Variants in CNBD2 observed in about 807,000 individuals in gnomAD.
CNBD2 encodes the protein cyclic nucleotide binding domain containing 2, also known as cyclic nucleotide-binding domain-containing protein 2.
A neutral mutation model predicts 63.7 loss-of-function variants in CNBD2; 64 were observed. The observed-to-expected ratio is 1.00, with a 90% confidence interval of 0.82 to 1.24. The LOEUF (loss-of-function observed/expected upper bound fraction) is 1.24, where lower values mean the gene tolerates loss of function less well. Among genes scored for constraint, CNBD2 ranks in the 50% most tolerant of loss-of-function variants. The probability of loss-of-function intolerance (pLI) is 0.00; values close to 1 mark genes in which losing one functional copy is unlikely to be tolerated. For missense variants in CNBD2, 691 were observed against 713.5 expected (o/e 0.97, Z 0.36); for synonymous variants, 229 against 255.4 (o/e 0.90, Z 0.99).
intron 10 of CNBD2, among the ~76,000 whole-genome samples, chr20:36,021,271 T>C (rs2057203784): frequency 6.6e-6 from 1 of 152,168 alleles, no homozygotes; most frequent in Non-Finnish European, 1.5e-5. Flanking sequence ...TGGATGGCAC[T>C]GGAGGCTGTT....
At chr20:35,958,503 G>A (rs1369313332), downstream of CNBD2, among the ~76,000 whole-genome samples, 1 of 152,148 alleles carries the variant, frequency 6.6e-6, no homozygotes, top group Non-Finnish European at 1.5e-5. Context: ...AGTTCAGAGA[G>A]GTTTCATGTA....
At chr20:36,023,511 C>T in intron 10 of CNBD2, 91 bp from the exon 11 acceptor site, 1 of 1,230,510 alleles carries the variant, frequency 8.1e-7, no homozygotes. Flanking sequence ...GAAACTCCGT[C>T]TCAAAAAAAA....
downstream of CNBD2, among the ~76,000 whole-genome samples, chr20:35,956,306 T>C (rs2056256344): frequency 1.3e-5 from 2 of 152,236 alleles, no homozygotes; most frequent in African/African-American, 4.8e-5. Context: ...TTTTAGTTGC[T>C]GACATGTAAA....
chr20:35,954,673 G>A (rs1001681897), upstream of CNBD2: 24 of 1,195,096 alleles, frequency 2.0e-5, no homozygotes, highest in Admixed American at 1.0e-4. Flanking sequence ...CCAGTTCGAG[G>A]AGGAGTCGGA....
chr20:35,989,179 C>A (rs1457647138), intron 7 of CNBD2, among the ~76,000 whole-genome samples: 1 of 152,174 alleles, frequency 6.6e-6, no homozygotes, highest in Admixed American at 6.5e-5. Context: ...TGATGAAGTG[C>A]AGAGGCAGGG....
At chr20:36,009,445 G>A (rs918880879) in intron 9 of CNBD2, among the ~76,000 whole-genome samples, 12 of 151,492 alleles carry the variant, frequency 7.9e-5, no homozygotes, top group African/African-American at 1.2e-4. Flanking sequence ...CTCGTGATCC[G>A]CCCACCTCGG....
chr20:35,984,606 C>G (rs1315304736), intron 5 of CNBD2, 21 bp from the exon 6 acceptor site: 1 of 1,612,848 alleles, frequency 6.2e-7, no homozygotes. Context: ...CACACTTGCC[C>G]TTGCCCTGTC....
At chr20:36,020,982 G>A (rs1272526614) in intron 10 of CNBD2, among the ~76,000 whole-genome samples, 1 of 152,158 alleles carries the variant, frequency 6.6e-6, no homozygotes, top group African/African-American at 2.4e-5. Flanking sequence ...GAACCCAAAT[G>A]GTGGAGGTGG....
At chr20:35,996,257 C>T (rs571840802) in intron 8 of CNBD2, among the ~76,000 whole-genome samples, 1 of 152,140 alleles carries the variant, frequency 6.6e-6, no homozygotes, top group Admixed American at 6.5e-5. Flanking sequence ...CCCAGGGCTT[C>T]GTATTATGCC....
At chr20:36,010,749 G>A (rs2057047145) in intron 9 of CNBD2, among the ~76,000 whole-genome samples, 1 of 151,288 alleles carries the variant, frequency 6.6e-6, no homozygotes, top group Admixed American at 6.6e-5. Flanking sequence ...GCGACAGAGT[G>A]AGACTCCGTC....
chr20:36,008,454 G>T lies in CNBD2; in HGVS notation c.1128G>T (p.Lys376Asn). Reference sequence around the variant, plus strand: ...GAACCTCAGGAGACACTCTCCCCAAGATGCTGGGCCCGAAGATCCAGTAAG... The same window carrying T: ...GAACCTCAGGAGACACTCTCCCCAATATGCTGGGCCCGAAGATCCAGTAAG... ...KIRTSGDTLP[K>N]MLGPKIQSRP... Residue 376 changes from lysine to asparagine, a missense_variant, in exon 9 of 12, where the codon AAG becomes AAT. Coordinates refer to ENST00000373973, the MANE Select transcript of CNBD2 (RefSeq NM_001365709.1). 1 of 1,611,788 alleles carries T rather than the reference G, an allele frequency of 6.2e-7. No homozygotes were observed. Among genetic ancestry groups the T allele is most frequent in the Non-Finnish European group, 8.5e-7 (1 of 1,179,438 alleles).
upstream of CNBD2, among the ~76,000 whole-genome samples, chr20:35,963,919 G>C (rs1601003672): frequency 6.6e-6 from 1 of 152,288 alleles, no homozygotes; most frequent in East Asian, 1.9e-4. Context: ...ACTTAATTGT[G>C]TGAGGTGAAG....
chr20:35,975,132 G>A (rs2056486057), intron 2 of CNBD2, among the ~76,000 whole-genome samples: 2 of 135,462 alleles, frequency 1.5e-5, no homozygotes, highest in Non-Finnish European at 3.1e-5. Context: ...CTCCCGAGTA[G>A]CTGGGACTAC....
At chr20:35,961,091 G>C (rs1190655712) in intron 2 of CNBD2, among the ~76,000 whole-genome samples, 1 of 151,942 alleles carries the variant, frequency 6.6e-6, no homozygotes, top group South Asian at 2.1e-4. Context: ...CACCACACCC[G>C]GTTAATTTTT....
At chr20:35,993,724 G>GT (rs1218408625) in intron 7 of CNBD2, among the ~76,000 whole-genome samples, 1 of 151,892 alleles carries the variant, frequency 6.6e-6, no homozygotes, top group African/African-American at 2.4e-5. Flanking sequence ...TTATCTCTAT[G>GT]TTTTTATGTC....
chr20:35,987,556 TGAGGG>T, intron 7 of CNBD2, 23 bp downstream of exon 7: 1 of 1,613,730 alleles, frequency 6.2e-7, no homozygotes, highest in Non-Finnish European at 8.5e-7. Flanking sequence ...GGGGTTGGGA[TGAGGG>T]TGAACCTCTG....
In CNBD2 at chr20:35,972,640, G is replaced by C. The variant is rs1285355068; in HGVS notation, c.63G>C (p.Gln21His). ...CTTTGTTTCCATAGGGACTGTACCA[G>C]CTCGCCATGGATATCATCATAATGA... ...QLLKKELGLY[Q>H]LAMDIIIMIR... Residue 21 changes from glutamine (Q) to histidine (H), a missense_variant, in exon 2 of 12, where the codon CAG becomes CAC. Transcript: ENST00000373973. 1.2e-6 allele frequency: 2 copies of C among 1,614,070 alleles called. No homozygotes were observed. Among genetic ancestry groups the C allele is most frequent in the Non-Finnish European group, 1.7e-6 (2 of 1,179,970 alleles).
upstream of CNBD2, among the ~76,000 whole-genome samples, chr20:35,966,885 G>C (rs1223629657): frequency 1.3e-5 from 2 of 152,184 alleles, no homozygotes; most frequent in East Asian, 3.9e-4. Flanking sequence ...TTTTTCTTCT[G>C]TTCCCCACTT....
At chr20:35,985,838 C>T (rs117835958) in intron 6 of CNBD2, among the ~76,000 whole-genome samples, 1 of 152,266 alleles carries the variant, frequency 6.6e-6, no homozygotes, top group East Asian at 1.9e-4. Flanking sequence ...TTATATACCC[C>T]CTCAGACAGT....
Sources: allele counts gnomAD v4.1 joint callset (sites outside exome capture counted in the v4.1 genomes callset), GRCh38; gene constraint gnomAD v4.1.1; transcripts MANE v1.5; gene names NCBI Gene and HGNC (gene_info 2026-07-23, HGNC 2026-07-21).